Variants in SRD5A3 observed in about 807,000 individuals in gnomAD.
SRD5A3 encodes the protein steroid 5 alpha-reductase 3, also known as polyprenal reductase.
SRD5A3 carries 24 observed loss-of-function variants against 34.3 expected under a neutral mutation model. That is an observed-to-expected ratio of 0.70 (90% confidence interval 0.51 to 0.99). The LOEUF (loss-of-function observed/expected upper bound fraction) is 0.99, where lower values mean the gene tolerates loss of function less well. Among genes scored for constraint, SRD5A3 ranks in the 50% least tolerant of loss-of-function variants. SRD5A3 has a pLI of 0.00. For missense variants in SRD5A3, 350 were observed against 388.2 expected (o/e 0.90, Z 0.83); for synonymous variants, 161 against 167.3 (o/e 0.96, Z 0.29).
At chr4:55,348,215 A>G (rs966567052) in intron 1 of SRD5A3, among the ~76,000 whole-genome samples, 5 of 152,214 alleles carry the variant, frequency 3.3e-5, no homozygotes, top group African/African-American at 1.2e-4. Flanking sequence ...ATTCTACAGT[A>G]GAACCTCCCA....
At chr4:55,359,988 A>G (rs564906459) in intron 2 of SRD5A3, among the ~76,000 whole-genome samples, 36 of 152,264 alleles carry the variant, frequency 2.4e-4, no homozygotes, top group South Asian at 1.0e-3. Context: ...CAAGGCGGGC[A>G]GATCACAAGG....
At chr4:55,357,343 A>T (rs1177424920) in intron 1 of SRD5A3, among the ~76,000 whole-genome samples, 1 of 152,256 alleles carries the variant, frequency 6.6e-6, no homozygotes, top group Admixed American at 6.5e-5. Context: ...TTAAGTACGT[A>T]AAGTGGCTGG....
chr4:55,364,831 A>G (rs1719823123), intron 3 of SRD5A3: 2 of 164,426 alleles, frequency 1.2e-5, no homozygotes, highest in South Asian at 3.2e-4. Context: ...TCCCATCACA[A>G]TAGAGCTTTT....
intron 1 of SRD5A3, among the ~76,000 whole-genome samples, chr4:55,356,000 A>ATTTTTTTTTTTTTTTTTTTTTTTTTT (rs10648522): frequency 2.7e-5 from 2 of 74,264 alleles, no homozygotes; most frequent in Non-Finnish European, 4.6e-5. Context: ...TTTTGCCTCC[A>ATTTTTTTTTTTTTTTTTTTTTTTTTT]TTTTTTTTTT....
intron 4 of SRD5A3, 84 bp from the exon 5 acceptor site, chr4:55,369,746 AAT>A: frequency 6.5e-7 from 1 of 1,544,904 alleles, no homozygotes; most frequent in Non-Finnish European, 8.8e-7. Flanking sequence ...AAAAAAAAAA[AAT>A]TCTGTAAATG....
chr4:55,353,237 A>G (rs1046923156), intron 1 of SRD5A3, among the ~76,000 whole-genome samples: 2 of 152,172 alleles, frequency 1.3e-5, no homozygotes, highest in East Asian at 3.9e-4. Flanking sequence ...CTGTCTAGCT[A>G]AAGGTTTGTA....
chr4:55,367,676 G>A lies in SRD5A3; in HGVS notation c.651G>A (p.Gln217=). The A allele has an allele frequency of 6.2e-7, 1 of 1,613,894 alleles. No homozygotes were observed. Among genetic ancestry groups the A allele is most frequent in the Non-Finnish European group, 8.5e-7 (1 of 1,179,792 alleles). Residue 217 remains glutamine, a synonymous_variant, in exon 4 of 5, where the codon CAG becomes CAA. Coordinates refer to ENST00000264228, the MANE Select transcript of SRD5A3 (RefSeq NM_024592.5). The part of the protein sequence containing the change: ...MMMFIWSSAH[Q]YKCHVILGNL... ...TGTTCATCTGGTCATCTGCCCATCA[G>A]TATAAGTGCCATGTTATTCTCGGCA...
chr4:55,359,509 T>C lies in SRD5A3; in HGVS notation c.364+21T>C, dbSNP rs779953644. ...CCAGGGTAAGGACTCCCTGGGCTTA[T>C]GACAACGCTGCATCCCGTTTCTGTT... On this transcript the variant is annotated intron_variant, in intron 2 of 4. Coordinates refer to ENST00000264228, the MANE Select transcript of SRD5A3 (RefSeq NM_024592.5). The C allele has an allele frequency of 3.1e-6, 5 of 1,613,876 alleles. No homozygotes were observed. The South Asian group carries it at 5.5e-5, about 18-fold the overall frequency.
chr4:55,370,250 A>G lies in SRD5A3; in HGVS notation c.*159A>G. The stretch of plus-strand genomic sequence containing the variant: ...TTCACTGAATGAGCATGGCAGTGCC[A>G]CTCAAGAAAATGAATCTCCAAAGTA... On this transcript the variant is annotated 3_prime_UTR_variant, in exon 5 of 5. Coordinates refer to ENST00000264228, the MANE Select transcript of SRD5A3 (RefSeq NM_024592.5). 3 of 910,750 alleles carry G rather than the reference A, an allele frequency of 3.3e-6. No homozygotes were observed. The highest frequency in any genetic ancestry group is 4.5e-5 in the Admixed American group (2 of 44,030). The allele number at this position is 910,750 out of a possible 1,614,324, so 56.4% of individuals were successfully genotyped here. A position where few individuals can be genotyped will look rare whatever the true frequency, so the allele number is the denominator to read the frequency against.
intron 1 of SRD5A3, among the ~76,000 whole-genome samples, chr4:55,347,377 C>T (rs1719034752): frequency 6.6e-6 from 1 of 152,172 alleles, no homozygotes; most frequent in Non-Finnish European, 1.5e-5. Flanking sequence ...GCCTGTAATC[C>T]CAGCACTTTA....
At chr4:55,366,704 G>C (rs1468013615) in intron 3 of SRD5A3, 2 of 152,154 alleles carry the variant, frequency 1.3e-5, no homozygotes, top group Non-Finnish European at 2.9e-5. Context: ...AGCTTTTTAG[G>C]GTTCCCCCTT....
intron 1 of SRD5A3, among the ~76,000 whole-genome samples, chr4:55,353,709 T>C (rs1471534856): frequency 6.6e-6 from 1 of 151,732 alleles, no homozygotes; most frequent in East Asian, 1.9e-4. Context: ...AACAAACAAC[T>C]CTGGAGGCGC....
chr4:55,364,555 T>TA lies in SRD5A3; in HGVS notation c.562+295dup, dbSNP rs111821375. 8,131 of 333,332 alleles carry TA rather than the reference T, an allele frequency of 0.024. 241 individuals carry two copies. The highest frequency in any genetic ancestry group is 0.11 in the African/African-American group (5,111 of 45,790). 20.6% of individuals were successfully genotyped at this position (333,332 alleles called of 1,614,324 possible). A position where few individuals can be genotyped will look rare whatever the true frequency, so the allele number is the denominator to read the frequency against. The stretch of plus-strand genomic sequence containing the variant: ...GTGAAACTCTGTCTCTACTAAAAAT[T>TA]AAAAAAAAAAATTAGCCAGGCGTGG... On this transcript the variant is annotated intron_variant, in intron 3 of 4. Transcript: ENST00000264228.
At chr4:55,346,684 G>A in intron 1 of SRD5A3, 127 bp downstream of exon 1, 3 of 894,358 alleles carry the variant, frequency 3.4e-6, no homozygotes, top group Non-Finnish European at 4.7e-6. Context: ...GCGGGTTCCC[G>A]GGCGCAGCAC....
At chr4:55,352,959 C>T (rs980894901) in intron 1 of SRD5A3, among the ~76,000 whole-genome samples, 6 of 152,120 alleles carry the variant, frequency 3.9e-5, no homozygotes, top group Admixed American at 2.0e-4. Flanking sequence ...AACAGTAGCT[C>T]GCCAGGGCCT....
At chr4:55,356,410 T>G (rs905994929) in intron 1 of SRD5A3, among the ~76,000 whole-genome samples, 3 of 152,214 alleles carry the variant, frequency 2.0e-5, no homozygotes, top group African/African-American at 7.2e-5. Flanking sequence ...TTTAAATACA[T>G]TCATCTTGTT....
chr4:55,351,961 T>C (rs1719212229), intron 1 of SRD5A3: 3 of 745,362 alleles, frequency 4.0e-6, no homozygotes, highest in Non-Finnish European at 7.5e-6. Flanking sequence ...TTATGCTGAA[T>C]TACTCTCTGT....
Position 55,370,678 on chromosome 4 carries a change from A to C in SRD5A3, c.*587A>C, listed in dbSNP as rs1034104192. The C allele has an allele frequency of 1.9e-5, 3 of 155,638 alleles. No individual in the cohort carries two copies. The highest frequency in any genetic ancestry group is 7.2e-5 in the African/African-American group (3 of 41,456). The allele number at this position is 155,638 out of a possible 1,614,324, so 9.6% of individuals were successfully genotyped here. A position where few individuals can be genotyped will look rare whatever the true frequency, so the allele number is the denominator to read the frequency against. On this transcript the variant is annotated 3_prime_UTR_variant, in exon 5 of 5. Coordinates refer to ENST00000264228, the MANE Select transcript of SRD5A3 (RefSeq NM_024592.5). ...CAGTTCGCTTGGGCCCAAGAGTTCG[A>C]GACCAGCCTGGGCAACATGGTGAAA... is the stretch of plus-strand genomic sequence containing the variant.
At chr4:55,355,931 C>T (rs575257655) in intron 1 of SRD5A3, among the ~76,000 whole-genome samples, 3 of 150,574 alleles carry the variant, frequency 2.0e-5, no homozygotes, top group South Asian at 2.1e-4. Flanking sequence ...TTCTCTACCT[C>T]GTTACCAGAG....
Sources: allele counts gnomAD v4.1 joint callset (sites outside exome capture counted in the v4.1 genomes callset), GRCh38; gene constraint gnomAD v4.1.1; transcripts MANE v1.5; gene names NCBI Gene and HGNC (gene_info 2026-07-23, HGNC 2026-07-21).